NWD2: variants seen among roughly 807,000 people sequenced by gnomAD.
NWD2 encodes NACHT and WD repeat domain-containing protein 2.
Under a neutral mutation model 132.7 loss-of-function variants are expected in NWD2, and 37 were observed. The observed-to-expected ratio is 0.28, with a 90% confidence interval of 0.21 to 0.37. NWD2 has a LOEUF of 0.37. NWD2 is among the 10% of genes least tolerant of loss of function. NWD2 has a pLI of 1.00. For missense variants in NWD2, 1,592 were observed against 2,122.4 expected (o/e 0.75, Z 4.91); for synonymous variants, 705 against 803.0 (o/e 0.88, Z 2.06).
chr4:37,395,605 A>AAAAAAAAAAAAAAAAAAC, intron 3 of NWD2, among the ~76,000 whole-genome samples: 1 of 148,584 alleles, frequency 6.7e-6, no homozygotes, highest in Non-Finnish European at 1.5e-5. Flanking sequence ...AAAAAAAAAA[A>AAAAAAAAAAAAAAAAAAC]AAAAGAGTCT....
intron 1 of NWD2, among the ~76,000 whole-genome samples, chr4:37,282,817 T>TG (rs1188992933): frequency 2.0e-5 from 3 of 152,194 alleles, no homozygotes; most frequent in African/African-American, 7.2e-5. Context: ...AAGTTGTATT[T>TG]AGTTTTTTTT....
chr4:37,361,793 A>G (rs562845136), intron 3 of NWD2, among the ~76,000 whole-genome samples: 3 of 152,288 alleles, frequency 2.0e-5, no homozygotes, highest in African/African-American at 7.2e-5. Flanking sequence ...CACCACTCCT[A>G]TTCAACACAG....
intron 2 of NWD2, among the ~76,000 whole-genome samples, chr4:37,341,703 ACTTTGGACAAG>A (rs1180958179): frequency 3.9e-5 from 6 of 152,194 alleles, no homozygotes; most frequent in Non-Finnish European, 8.8e-5. Flanking sequence ...TTCCTGTGTG[ACTTTGGACAAG>A]TTACTTAACT....
intron 1 of NWD2, among the ~76,000 whole-genome samples, chr4:37,260,419 T>C (rs1328415939): frequency 6.6e-6 from 1 of 152,234 alleles, no homozygotes; most frequent in Non-Finnish European, 1.5e-5. Flanking sequence ...ATTTGGGCAG[T>C]TTATTTTATG....
In NWD2 at chr4:37,245,078, C is replaced by T. The variant is rs1717203749; in HGVS notation, c.11C>T (p.Ala4Val). 6.5e-7 allele frequency: 1 copy of T among 1,545,770 alleles called. No individual in the cohort carries two copies. The change falls in exon 1 of 7, where the codon GCC (alanine) becomes GTC (valine). Residue 4 changes from alanine (A) to valine (V), a missense_variant. This residue lies in a region of NWD2 where 88 missense variants were observed against 92.8 expected (regional missense o/e 0.95). Coordinates refer to ENST00000309447, the MANE Select transcript of NWD2 (RefSeq NM_001144990.2). MWP[A>V]GAGTKLPCPR... ...TCCTCCCAGAGGGCGATGTGGCCGG[C>T]CGGCGCGGGCACCAAGCTGCCCTGT...
intron 1 of NWD2, among the ~76,000 whole-genome samples, chr4:37,275,408 T>A (rs1717987001): frequency 6.6e-6 from 1 of 152,086 alleles, no homozygotes; most frequent in Admixed American, 6.5e-5. Context: ...TACAAACCAC[T>A]GCTCAATGAA....
intron 1 of NWD2, among the ~76,000 whole-genome samples, chr4:37,271,389 T>C (rs185048505): frequency 1.3e-5 from 2 of 151,968 alleles, no homozygotes; most frequent in East Asian, 3.9e-4. Context: ...CTGAACAGTG[T>C]ATTGTAGATT....
At chr4:37,358,140 G>A (rs1248922695) in intron 3 of NWD2, among the ~76,000 whole-genome samples, 2 of 152,138 alleles carry the variant, frequency 1.3e-5, no homozygotes, top group Non-Finnish European at 2.9e-5. Flanking sequence ...GGTAATTTCA[G>A]TAAGACAATT....
At chr4:37,245,322 C>T (rs976787996) in intron 1 of NWD2, 104 bp downstream of exon 1, 43 of 1,303,880 alleles carry the variant, frequency 3.3e-5, no homozygotes, top group South Asian at 1.6e-5. Flanking sequence ...CCTGCGCTCC[C>T]TTCCTCCAGC....
intron 3 of NWD2, among the ~76,000 whole-genome samples, chr4:37,402,000 G>A (rs191055662): frequency 1.3e-4 from 20 of 152,274 alleles, no homozygotes; most frequent in African/African-American, 4.6e-4. Flanking sequence ...ACTTTTAAGA[G>A]GTGATTAATT....
intron 1 of NWD2, among the ~76,000 whole-genome samples, chr4:37,298,206 G>C (rs916899426): frequency 6.6e-6 from 1 of 152,096 alleles, no homozygotes; most frequent in Non-Finnish European, 1.5e-5. Flanking sequence ...CAGAGGAATG[G>C]AGCAAAGCTG....
At chr4:37,431,844 C>T (rs189200337) in intron 4 of NWD2, among the ~76,000 whole-genome samples, 3 of 152,208 alleles carry the variant, frequency 2.0e-5, no homozygotes, top group East Asian at 1.9e-4. Context: ...TTTCCTTCCT[C>T]CTGAAGTATA....
intron 1 of NWD2, among the ~76,000 whole-genome samples, chr4:37,265,331 A>G (rs1486360339): frequency 1.3e-5 from 2 of 152,124 alleles, no homozygotes; most frequent in African/African-American, 2.4e-5. Context: ...AGCTTACCGT[A>G]TAGTTACTAA....
chr4:37,248,506 T>C (rs1031243407), intron 1 of NWD2, among the ~76,000 whole-genome samples: 19 of 152,178 alleles, frequency 1.2e-4, no homozygotes, highest in African/African-American at 4.3e-4. Context: ...TAGTTCCACC[T>C]CCCACCCAAC....
intron 3 of NWD2, among the ~76,000 whole-genome samples, chr4:37,366,696 C>A (rs1720104960): frequency 6.6e-6 from 1 of 151,820 alleles, no homozygotes; most frequent in African/African-American, 2.4e-5. Flanking sequence ...AAAGATTAAC[C>A]AAAAGAAAAT....
rs573945536 is a variant in NWD2 at position 37,420,306 on chromosome 4, T to C, written c.358-10266T>C. On this transcript the variant is annotated intron_variant, in intron 3 of 6. Coordinates refer to ENST00000309447, the MANE Select transcript of NWD2 (RefSeq NM_001144990.2). ...CTGCTTCTGTAGCCTAGCTAAAGGT[T>C]GGTGATCCTCAACTCCACCCTCTTT... Among the ~76,000 whole-genome samples the C allele has an allele frequency of 8.5e-4, 130 of 152,288 alleles. 1 individual carries two copies. The highest frequency in any genetic ancestry group is 1.5e-3 in the Non-Finnish European group (103 of 68,010).
chr4:37,371,585 G>A (rs1166958316), intron 3 of NWD2, among the ~76,000 whole-genome samples: 1 of 152,174 alleles, frequency 6.6e-6, no homozygotes, highest in African/African-American at 2.4e-5. Context: ...AGGAAATTGA[G>A]GCAAGAGGCT....
rs115293578 is a variant in NWD2, at chr4:37,440,353, T to C, written c.1296+963T>C. Among the ~76,000 whole-genome samples the C allele has an allele frequency of 5.8e-3, 889 of 152,190 alleles. 8 individuals carry two copies. The highest frequency in any genetic ancestry group is 0.019 in the African/African-American group (809 of 41,530). On this transcript the variant is annotated intron_variant, in intron 6 of 6. Coordinates refer to ENST00000309447, the MANE Select transcript of NWD2 (RefSeq NM_001144990.2). Reference sequence around the variant, plus strand: ...ATGTAGCACATGGGAAACACTCAGGTATTGTTTTGCCCTGAGGAACTCTAG... The same window carrying C: ...ATGTAGCACATGGGAAACACTCAGGCATTGTTTTGCCCTGAGGAACTCTAG...
intron 3 of NWD2, among the ~76,000 whole-genome samples, chr4:37,387,449 T>C (rs1027765263): frequency 1.3e-5 from 2 of 152,008 alleles, no homozygotes; most frequent in Non-Finnish European, 2.9e-5. Flanking sequence ...TGTGGCAATC[T>C]TAGATCTAAG....
Sources: allele counts gnomAD v4.1 joint callset (sites outside exome capture counted in the v4.1 genomes callset), GRCh38; gene constraint gnomAD v4.1.1; regional missense constraint gnomAD v4.1.1; transcripts MANE v1.5; gene names NCBI Gene and HGNC (gene_info 2026-07-23, HGNC 2026-07-21).